The following MLLT10 variants were observed in gnomAD, a reference collection of about 807,000 sequenced individuals.
The protein encoded by MLLT10 is MLLT10 histone lysine methyltransferase DOT1L cofactor, also known as protein AF-10.
Under a neutral mutation model 129.1 loss-of-function variants are expected in MLLT10, and 30 were observed. That is an observed-to-expected ratio of 0.23 (90% confidence interval 0.17 to 0.32). MLLT10 has a LOEUF of 0.32. Among genes scored for constraint, MLLT10 ranks in the 10% least tolerant of loss-of-function variants. The pLI is 1.00. For synonymous variants in MLLT10, 490 were observed against 446.4 expected, an observed-to-expected ratio of 1.10 and a Z score of -1.23; for missense variants, 1,119 against 1,268.3, an observed-to-expected ratio of 0.88 and a Z score of 1.79.
chr10:21,690,224 A>G lies in MLLT10; in HGVS notation c.1699+7967A>G, dbSNP rs566799916. 6.6e-5 allele frequency among the ~76,000 whole-genome samples: 10 copies of G among 152,204 alleles called. No individual in the cohort carries two copies. The South Asian group carries it at 2.1e-3, about 32-fold the overall frequency. On this transcript the variant is annotated intron_variant, in intron 13 of 22. Coordinates refer to ENST00000307729, the MANE Select transcript of MLLT10 (RefSeq NM_001195626.3). ...ATTAAGGATTAAGATTCAAGGAGTG[A>G]TATTTCATAGATCAAGAATCTGGAG...
chr10:21,719,173 C>T (rs2056962435), intron 14 of MLLT10, among the ~76,000 whole-genome samples: 1 of 152,056 alleles, frequency 6.6e-6, no homozygotes, highest in Admixed American at 6.6e-5. Context: ...ATGTAGTCTC[C>T]GATTTCTTTT....
intron 3 of MLLT10, among the ~76,000 whole-genome samples, chr10:21,546,942 C>T (rs746301038): frequency 1.6e-4 from 24 of 152,020 alleles, no homozygotes; most frequent in Non-Finnish European, 3.2e-4. Context: ...AGGCTGGTCT[C>T]GAACTCCCGA....
At chr10:21,628,164 G>C (rs969561938) in intron 8 of MLLT10, among the ~76,000 whole-genome samples, 2 of 152,146 alleles carry the variant, frequency 1.3e-5, no homozygotes, top group African/African-American at 4.8e-5. Context: ...ATTCCAAGCA[G>C]CGCCTGCATT....
At chr10:21,598,598 T>G (rs2043226935) in intron 5 of MLLT10, among the ~76,000 whole-genome samples, 1 of 152,184 alleles carries the variant, frequency 6.6e-6, no homozygotes, top group South Asian at 2.1e-4. Context: ...TGTAGAAAAC[T>G]GTGGGCCAGG....
In MLLT10 at chr10:21,552,559, T is replaced by A. The variant is rs566614871; in HGVS notation, c.240+13647T>A. 1.6e-4 allele frequency among the ~76,000 whole-genome samples: 25 copies of A among 151,592 alleles called. 1 individual carries two copies. In the East Asian group the frequency reaches 4.9e-3, roughly 30 times the overall value. ...GGCGCCTGCCACCACGCCTGGCTAG[T>A]TTTTGTATTTTTAATAGAGACGGGG... On this transcript the variant is annotated intron_variant, in intron 3 of 22. Coordinates refer to ENST00000307729, the MANE Select transcript of MLLT10 (RefSeq NM_001195626.3).
intron 10 of MLLT10, among the ~76,000 whole-genome samples, chr10:21,671,226 A>G (rs920841422): frequency 6.6e-6 from 1 of 152,206 alleles, no homozygotes; most frequent in Middle Eastern, 3.2e-3. Context: ...CATGTTGGCC[A>G]GGCTGGTCTC....
chr10:21,548,650 T>C (rs2036487666), intron 3 of MLLT10, among the ~76,000 whole-genome samples: 3 of 152,194 alleles, frequency 2.0e-5, no homozygotes, highest in Non-Finnish European at 4.4e-5. Flanking sequence ...ATCACAGGTG[T>C]GAGCCACTGT....
At chr10:21,544,317 G>A (rs1450680976) in intron 3 of MLLT10, among the ~76,000 whole-genome samples, 1 of 152,066 alleles carries the variant, frequency 6.6e-6, no homozygotes, top group Admixed American at 6.6e-5. Flanking sequence ...ATGTTCCTTT[G>A]AGAAGACAAT....
chr10:21,695,993 A>C (rs1200974084), intron 13 of MLLT10, among the ~76,000 whole-genome samples: 1 of 148,746 alleles, frequency 6.7e-6, no homozygotes, highest in Admixed American at 6.7e-5. Flanking sequence ...TTCCACTGAA[A>C]GTGTAGCTTT....
chr10:21,660,112 C>T (rs1211386823), intron 9 of MLLT10, among the ~76,000 whole-genome samples: 1 of 151,940 alleles, frequency 6.6e-6, no homozygotes, highest in Non-Finnish European at 1.5e-5. Flanking sequence ...TAGAGGTACA[C>T]ACCACCATGC....
chr10:21,672,207 G>GTGTGTGTGTGTGTGTGTA (rs950414625), intron 10 of MLLT10, among the ~76,000 whole-genome samples: 3 of 150,322 alleles, frequency 2.0e-5, no homozygotes, highest in African/African-American at 4.9e-5. Flanking sequence ...GTGTGTGTGT[G>GTGTGTGTGTGTGTGTGTA]TGTATTTTGA....
chr10:21,569,028 T>G (rs1395703906), intron 3 of MLLT10, among the ~76,000 whole-genome samples: 1 of 152,224 alleles, frequency 6.6e-6, no homozygotes, highest in African/African-American at 2.4e-5. Flanking sequence ...ATATCACAGT[T>G]GTAAGAAAAA....
At chr10:21,591,125 T>G (rs1360600879) in intron 4 of MLLT10, among the ~76,000 whole-genome samples, 1 of 152,214 alleles carries the variant, frequency 6.6e-6, no homozygotes, top group Non-Finnish European at 1.5e-5. Context: ...TGGTGTGATC[T>G]TGGCTCAGTG....
At chr10:21,730,806 C>A (rs997094188) in intron 16 of MLLT10, 94 bp from the exon 17 acceptor site, 9 of 1,372,198 alleles carry the variant, frequency 6.6e-6, no homozygotes, top group African/African-American at 1.4e-5. Flanking sequence ...TGTTATAAAA[C>A]TCATACAGGA....
intron 3 of MLLT10, among the ~76,000 whole-genome samples, chr10:21,565,720 C>G (rs1049910190): frequency 6.6e-6 from 1 of 151,242 alleles, no homozygotes; most frequent in African/African-American, 2.4e-5. Flanking sequence ...GTTCCCCCAT[C>G]TCAGCCTCCC....
chr10:21,738,760 T>TA (rs890480926), intron 21 of MLLT10, among the ~76,000 whole-genome samples: 3 of 152,202 alleles, frequency 2.0e-5, no homozygotes, highest in Non-Finnish European at 4.4e-5. Context: ...GCTTCCAGGA[T>TA]ACCACATCAT....
chr10:21,716,047 TG>T (rs2056529126), intron 14 of MLLT10, among the ~76,000 whole-genome samples: 1 of 152,254 alleles, frequency 6.6e-6, no homozygotes, highest in African/African-American at 2.4e-5. Context: ...ACCTCTCAGT[TG>T]AACTGAGTGC....
intron 13 of MLLT10, among the ~76,000 whole-genome samples, chr10:21,710,391 A>G (rs2055960389): frequency 6.6e-6 from 1 of 152,218 alleles, no homozygotes; most frequent in Admixed American, 6.5e-5. Flanking sequence ...TTTATAATAT[A>G]GTATCCAGTG....
chr10:21,651,094 C>T (rs905324512), intron 8 of MLLT10, among the ~76,000 whole-genome samples: 6 of 148,932 alleles, frequency 4.0e-5, no homozygotes, highest in Non-Finnish European at 5.9e-5. Context: ...TTTGTTGAGA[C>T]GGAGTCTCAC....
Sources: gnomAD v4.1 joint callset for allele counts (sites outside exome capture counted in the v4.1 genomes callset) on GRCh38, gnomAD v4.1.1 for gene constraint, MANE v1.5 for transcripts, NCBI Gene and HGNC (gene_info 2026-07-23, HGNC 2026-07-21) for gene names.